Variants in CNTRL observed in about 807,000 individuals in gnomAD.
The protein encoded by CNTRL is centriolin.
CNTRL carries 233 observed loss-of-function variants against 303.7 expected under a neutral mutation model. The ratio of observed to expected loss-of-function variants is 0.77; its 90% confidence interval spans 0.69 to 0.86. The LOEUF is 0.86. Ranked by LOEUF, CNTRL falls within the 40% of genes least tolerant of loss-of-function variation. CNTRL has a pLI of 0.00. For missense variants in CNTRL, 2,524 were observed against 2,650.6 expected (o/e 0.95, Z 1.05); for synonymous variants, 900 against 922.2 (o/e 0.98, Z 0.44).
At chr9:121,166,035 G>T (rs923480630) in intron 35 of CNTRL, 72 bp from the exon 36 acceptor site, 1 of 1,140,482 alleles carries the variant, frequency 8.8e-7, no homozygotes, top group East Asian at 2.5e-5. Flanking sequence ...TCTACTTTTT[G>T]GGAATGCTAA....
At chr9:121,146,296 C>T in intron 23 of CNTRL, 40 bp downstream of exon 23, 1 of 1,570,790 alleles carries the variant, frequency 6.4e-7, no homozygotes, top group Non-Finnish European at 8.6e-7. Flanking sequence ...ACTGAATTTT[C>T]TTGAAGAAAG....
chr9:121,115,117 G>A lies in CNTRL; in HGVS notation c.1372G>A (p.Asp458Asn), dbSNP rs1383784245. Residue 458 changes from aspartate to asparagine, a missense_variant, in exon 11 of 44, where the codon GAT becomes AAT. Transcript: ENST00000373855. ...AAQTRLSELH[D>N]EIEKAEQQIL... ...ACAAACTCGACTATCAGAACTGCAT[G>A]ATGAAATAGAAAAGGCAGAACAACA... The A allele has an allele frequency of 1.9e-6, 3 of 1,609,522 alleles. No homozygotes were observed. Among genetic ancestry groups the A allele is most frequent in the Non-Finnish European group, 2.5e-6 (3 of 1,177,664 alleles).
In CNTRL at chr9:121,177,371, C is replaced by T; in HGVS notation, c.*185C>T. 1 of 487,762 alleles carries T rather than the reference C, an allele frequency of 2.1e-6. No homozygotes were observed. The highest frequency in any genetic ancestry group is 3.6e-6 in the Non-Finnish European group (1 of 278,662). 30.2% of individuals were successfully genotyped at this position (487,762 alleles called of 1,614,324 possible). A position where few individuals can be genotyped will look rare whatever the true frequency, so the allele number is the denominator to read the frequency against. On this transcript the variant is annotated 3_prime_UTR_variant, in exon 44 of 44. Transcript: ENST00000373855. ...TTTTATAAATCACTTGTACATAGTACATATGGGAATAGTTGCATATGGGAA... is the reference window on the plus strand; with the variant it reads ...TTTTATAAATCACTTGTACATAGTATATATGGGAATAGTTGCATATGGGAA...
At chr9:121,161,212 G>T (rs2052837485) in intron 32 of CNTRL, 1 of 414,838 alleles carries the variant, frequency 2.4e-6, no homozygotes. Context: ...TATTGTAAAA[G>T]TGATTTGGGG....
chr9:121,146,376 A>ATTTTTAATAT, intron 23 of CNTRL, 120 bp downstream of exon 23: 1 of 995,632 alleles, frequency 1.0e-6, no homozygotes. Flanking sequence ...TAAGCCGTGC[A>ATTTTTAATAT]TTGAGGTTCT....
intron 26 of CNTRL, among the ~76,000 whole-genome samples, chr9:121,153,646 A>C (rs992192869): frequency 6.6e-6 from 1 of 152,224 alleles, no homozygotes; most frequent in Admixed American, 6.5e-5. Context: ...AGCACCTGTC[A>C]TAGGGTCACT....
At chr9:121,173,783 C>A in intron 42 of CNTRL, 46 bp downstream of exon 42, 1 of 1,546,020 alleles carries the variant, frequency 6.5e-7, no homozygotes, top group Non-Finnish European at 8.9e-7. Flanking sequence ...ATACTGGGCA[C>A]ATTGGGGAGG....
At chr9:121,128,110 T>C (rs2050640073) in intron 14 of CNTRL, among the ~76,000 whole-genome samples, 1 of 152,196 alleles carries the variant, frequency 6.6e-6, no homozygotes, top group South Asian at 2.1e-4. Flanking sequence ...AACACATGTG[T>C]GCATGTGTCT....
In CNTRL at chr9:121,165,015, A is replaced by T; in HGVS notation, c.5496A>T (p.Arg1832Ser). The T allele has an allele frequency of 6.2e-7, 1 of 1,611,734 alleles. No individual in the cohort carries two copies. Among genetic ancestry groups the T allele is most frequent in the Non-Finnish European group, 8.5e-7 (1 of 1,179,278 alleles). Residue 1832 changes from arginine (R) to serine (S), a missense_variant, in exon 35 of 44, where the codon AGA becomes AGT. Coordinates refer to ENST00000373855, the MANE Select transcript of CNTRL (RefSeq NM_007018.6). The part of the protein sequence containing the change: ...SNLEKLELNV[R>S]KLQQELDQLN... ...TAGAAAAGTTGGAATTGAATGTCAG[A>T]AAACTGCAGCAGGAACTAGACCAAC...
intron 19 of CNTRL, among the ~76,000 whole-genome samples, chr9:121,143,090 A>G (rs1332386315): frequency 1.3e-5 from 2 of 152,022 alleles, no homozygotes; most frequent in Non-Finnish European, 2.9e-5. Context: ...ACCAATCTCA[A>G]ATAGACAATA....
chr9:121,119,848 A>C (rs1055282610), intron 12 of CNTRL, among the ~76,000 whole-genome samples: 1 of 151,686 alleles, frequency 6.6e-6, no homozygotes, highest in African/African-American at 2.4e-5. Context: ...TCCTTTTTCT[A>C]CCTCTTCTAT....
intron 23 of CNTRL, among the ~76,000 whole-genome samples, chr9:121,148,147 A>T (rs899325133): frequency 6.6e-6 from 1 of 152,218 alleles, no homozygotes; most frequent in Non-Finnish European, 1.5e-5. Context: ...TCTCATCACT[A>T]TGGAGAACTT....
At position 121,162,280 on chromosome 9, in the gene CNTRL, A is replaced by T; in HGVS notation, c.5423+9A>T. On this transcript the variant is annotated intron_variant, in intron 34 of 43. Transcript: ENST00000373855. ...TTGGCACAAACCAAAAGGTGAGAGC[A>T]AGAACAAATAAGCTTGCAGGATCAC... is the stretch of plus-strand genomic sequence containing the variant. The T allele has an allele frequency of 6.2e-7, 1 of 1,605,576 alleles. No homozygotes were observed. Among genetic ancestry groups the T allele is most frequent in the Middle Eastern group, 1.7e-4 (1 of 6,040 alleles).
chr9:121,092,647 C>CTA (rs1253500370), intron 4 of CNTRL, among the ~76,000 whole-genome samples: 1 of 13,624 alleles, frequency 7.3e-5, no homozygotes, highest in African/African-American at 2.4e-4. Context: ...TAATATATAT[C>CTA]TATATATAAT....
intron 13 of CNTRL, 149 bp from the exon 14 acceptor site, chr9:121,125,567 A>G: frequency 1.5e-6 from 1 of 666,778 alleles, no homozygotes; most frequent in South Asian, 1.9e-5. Flanking sequence ...CTATAATAGG[A>G]AGAAAATTTA....
At chr9:121,113,808 A>T in intron 10 of CNTRL, 84 bp downstream of exon 10, 1 of 821,248 alleles carries the variant, frequency 1.2e-6, no homozygotes, top group Non-Finnish European at 1.7e-6. Context: ...TAAGTCTTTT[A>T]ATTGAACATG....
At chr9:121,100,452 A>G (rs1199955390) in intron 7 of CNTRL, among the ~76,000 whole-genome samples, 1 of 152,220 alleles carries the variant, frequency 6.6e-6, no homozygotes, top group East Asian at 1.9e-4. Flanking sequence ...CACTGCAAAA[A>G]CATGCCAAAT....
intron 7 of CNTRL, among the ~76,000 whole-genome samples, chr9:121,099,955 G>A (rs577553690): frequency 1.6e-4 from 25 of 152,212 alleles, no homozygotes; most frequent in Non-Finnish European, 1.2e-4. Context: ...AAAGTGACAG[G>A]GAGAATGGAA....
chr9:121,125,067 C>T (rs192675614), intron 13 of CNTRL, among the ~76,000 whole-genome samples: 139 of 152,052 alleles, frequency 9.1e-4, no homozygotes, highest in African/African-American at 3.2e-3. Context: ...TTTATGTTGC[C>T]AGTCTTGGAT....
Sources: allele counts gnomAD v4.1 joint callset (sites outside exome capture counted in the v4.1 genomes callset), GRCh38; gene constraint gnomAD v4.1.1; transcripts MANE v1.5; gene names NCBI Gene and HGNC (gene_info 2026-07-23, HGNC 2026-07-21).